FNIP1: variants seen among roughly 807,000 people sequenced by gnomAD.
FNIP1 encodes folliculin interacting protein 1.
FNIP1 carries 40 observed loss-of-function variants against 124.5 expected under a neutral mutation model. The observed-to-expected ratio is 0.32, with a 90% CI of 0.25 to 0.42. FNIP1 has a LOEUF of 0.42. FNIP1 is among the 10% of genes least tolerant of loss of function. The pLI, the probability that FNIP1 is intolerant of heterozygous loss-of-function variation, is 1.00. For synonymous variants in FNIP1, 472 were observed against 470.6 expected (o/e 1.00, Z -0.04); for missense variants, 1,176 against 1,403.7 (o/e 0.84, Z 2.59).
intron 5 of FNIP1, among the ~76,000 whole-genome samples, chr5:131,717,684 G>A (rs2149541258): frequency 6.6e-6 from 1 of 152,108 alleles, no homozygotes; most frequent in Middle Eastern, 3.4e-3. Context: ...AGTACTTTAT[G>A]CTTTTAGTGC....
At chr5:131,669,390 A>G (rs542191235) in intron 15 of FNIP1, among the ~76,000 whole-genome samples, 159 of 152,230 alleles carry the variant, frequency 1.0e-3, no homozygotes, top group Non-Finnish European at 2.1e-3. Flanking sequence ...CTAAAAAGCA[A>G]TATTTCTCAT....
Position 131,672,729 on chromosome 5 carries a change from G to A in FNIP1, c.1715C>T (p.Thr572Ile). The A allele has an allele frequency of 1.9e-6, 3 of 1,613,574 alleles. No individual in the cohort carries two copies. Among genetic ancestry groups the A allele is most frequent in the Non-Finnish European group, 1.7e-6 (2 of 1,179,734 alleles). ...IVMPGTVITT[T>I]LEKGEIEESE... ...TTCTTCTATTTCACCTTTCTCTAAA[G>A]TGGTAGTAATTACTGTGCCTGGCAT... is the stretch of plus-strand genomic sequence containing the variant. The change falls in exon 14 of 18, where the codon ACT becomes ATT. Residue 572 changes from threonine to isoleucine, a missense_variant. Physicochemically the swap from Thr to Ile is moderately conservative, Grantham distance 89. Transcript: ENST00000510461.
chr5:131,730,249 A>G (rs1770035668), intron 3 of FNIP1, among the ~76,000 whole-genome samples: 1 of 152,212 alleles, frequency 6.6e-6, no homozygotes, highest in Non-Finnish European at 1.5e-5. Context: ...AGCTTGTCCC[A>G]TTGATTAGGT....
intron 1 of FNIP1, among the ~76,000 whole-genome samples, chr5:131,751,961 T>G (rs1770886262): frequency 6.6e-6 from 1 of 152,160 alleles, no homozygotes; most frequent in South Asian, 2.1e-4. Context: ...AATCACGCAC[T>G]TTAGAAGAGT....
At chr5:131,667,569 GTTTT>G (rs1318817636) in intron 15 of FNIP1, among the ~76,000 whole-genome samples, 2 of 112,252 alleles carry the variant, frequency 1.8e-5, no homozygotes, top group African/African-American at 2.7e-5. Flanking sequence ...CTTCACTTCT[GTTTT>G]TTTGTTTGTT....
In FNIP1 at chr5:131,671,970, T is replaced by C; in HGVS notation, c.2474A>G (p.Asn825Ser). ...GCTCATGCTTTCTGGGTCTGAATGA[T>C]TCCAACAGGGAAGTTCACAGGGCTC... ...SEEPCELPCWNHSDPESMSLF... is the reference protein window; with the variant it reads ...SEEPCELPCWSHSDPESMSLF... The change falls in exon 14 of 18, where the codon AAT (asparagine) becomes AGT (serine). Residue 825 changes from asparagine (N) to serine (S), a missense_variant. By Grantham distance (46) the Asn-to-Ser change is conservative. Coordinates refer to ENST00000510461, the MANE Select transcript of FNIP1 (RefSeq NM_133372.3). 1 of 1,614,224 alleles carries C rather than the reference T, an allele frequency of 6.2e-7. No homozygotes were observed. The highest frequency in any genetic ancestry group is 1.1e-5 in the South Asian group (1 of 91,086).
intron 2 of FNIP1, among the ~76,000 whole-genome samples, chr5:131,733,183 T>A (rs1187163186): frequency 2.6e-5 from 4 of 152,226 alleles, no homozygotes; most frequent in Admixed American, 2.6e-4. Context: ...TGATTTTGTA[T>A]CCTGAGACTT....
At chr5:131,741,713 A>T (rs1770518075) in intron 2 of FNIP1, among the ~76,000 whole-genome samples, 1 of 152,220 alleles carries the variant, frequency 6.6e-6, no homozygotes, top group African/African-American at 2.4e-5. Flanking sequence ...GAAAACTGCC[A>T]TGTGTCTTAC....
intron 1 of FNIP1, among the ~76,000 whole-genome samples, chr5:131,772,317 G>A (rs1408659428): frequency 4.0e-5 from 6 of 151,398 alleles, no homozygotes. Flanking sequence ...CAACTGTAGT[G>A]TTGGTTATAT....
At chr5:131,795,364 A>C (rs1258397636) in intron 1 of FNIP1, among the ~76,000 whole-genome samples, 1 of 152,150 alleles carries the variant, frequency 6.6e-6, no homozygotes, top group Non-Finnish European at 1.5e-5. Flanking sequence ...ATTTTTGAAA[A>C]CCAGACGTGA....
chr5:131,654,279 A>G (rs1767127790), intron 15 of FNIP1, among the ~76,000 whole-genome samples: 1 of 152,192 alleles, frequency 6.6e-6, no homozygotes, highest in Non-Finnish European at 1.5e-5. Context: ...TTGGAAAGGT[A>G]AGGATTTTTT....
At chr5:131,768,681 C>T (rs1771524613) in intron 1 of FNIP1, among the ~76,000 whole-genome samples, 1 of 152,060 alleles carries the variant, frequency 6.6e-6, no homozygotes, top group African/African-American at 2.4e-5. Context: ...GTAATGTAAT[C>T]CCAGCTACTC....
In FNIP1 at chr5:131,796,847, G is replaced by T; in HGVS notation, c.75C>A (p.Asp25Glu). The T allele has an allele frequency of 1.3e-6, 2 of 1,598,718 alleles. No homozygotes were observed. Among genetic ancestry groups the T allele is most frequent in the Non-Finnish European group, 1.7e-6 (2 of 1,173,384 alleles). ...CGCCCTACCTGAACCCGCAATCTGG[G>T]TCCCGGGCGTCGCGGCCGGGCGCGC... ...GLGAPGRDAR[D>E]PDCGFSWPLP... is the part of the protein sequence containing the mutation. Residue 25 changes from aspartate (D) to glutamate (E), a missense_variant, in exon 1 of 18, where the codon GAC (aspartate) becomes GAA (glutamate). Around this residue, in one of 2 missense-constraint regions of FNIP1, gnomAD observed 1,109 missense variants for 1,288.5 expected, o/e 0.86. Transcript: ENST00000510461.
At chr5:131,647,447 C>T (rs1331480366) in intron 16 of FNIP1, among the ~76,000 whole-genome samples, 1 of 149,112 alleles carries the variant, frequency 6.7e-6, no homozygotes, top group Admixed American at 6.7e-5. Context: ...CAAAAATACA[C>T]ATACAATTTG....
intron 3 of FNIP1, among the ~76,000 whole-genome samples, chr5:131,722,566 CCTAT>C (rs1769703429): frequency 1.3e-5 from 2 of 152,200 alleles, no homozygotes; most frequent in South Asian, 4.1e-4. Flanking sequence ...CTCTTTACTA[CCTAT>C]CTTAAATTGT....
At chr5:131,710,513 G>T in intron 7 of FNIP1, 65 bp downstream of exon 7, 1 of 1,474,416 alleles carries the variant, frequency 6.8e-7, no homozygotes, top group Non-Finnish European at 9.3e-7. Flanking sequence ...TGTTTCCACA[G>T]CTTAACTACA....
At chr5:131,783,124 C>G (rs913765428) in intron 1 of FNIP1, among the ~76,000 whole-genome samples, 12 of 152,244 alleles carry the variant, frequency 7.9e-5, no homozygotes, top group Non-Finnish European at 1.5e-4. Flanking sequence ...TATTTACTGG[C>G]CTAGAATTGA....
intron 2 of FNIP1, among the ~76,000 whole-genome samples, chr5:131,735,449 A>ATTTT (rs1770257277): frequency 1.4e-5 from 2 of 140,198 alleles, no homozygotes; most frequent in Non-Finnish European, 3.0e-5. Context: ...CCTAGAACTT[A>ATTTT]AAGTATTTTA....
chr5:131,785,876 C>T (rs919625025), intron 1 of FNIP1, among the ~76,000 whole-genome samples: 1 of 152,038 alleles, frequency 6.6e-6, no homozygotes, highest in Non-Finnish European at 1.5e-5. Flanking sequence ...AAATTATTCA[C>T]AAATAATGTC....
Sources: allele counts gnomAD v4.1 joint callset (sites outside exome capture counted in the v4.1 genomes callset), GRCh38; gene constraint gnomAD v4.1.1; regional missense constraint gnomAD v4.1.1; transcripts MANE v1.5; gene names NCBI Gene and HGNC (gene_info 2026-07-23, HGNC 2026-07-21).